LURAP1L: variants seen among roughly 807,000 people sequenced by gnomAD.
The protein encoded by LURAP1L is leucine rich adaptor protein 1-like.
In LURAP1L, 12 loss-of-function variants were observed where a neutral mutation model predicts 13.8. The ratio of observed to expected loss-of-function variants is 0.87; its 90% confidence interval spans 0.56 to 1.41. The LOEUF (loss-of-function observed/expected upper bound fraction) is 1.41. LURAP1L is among the 40% of genes most tolerant of loss of function. The probability of loss-of-function intolerance (pLI) is 0.00; values close to 1 mark genes in which losing one functional copy is unlikely to be tolerated. For missense variants in LURAP1L, 375 were observed against 292.9 expected (o/e 1.28, Z -2.04); for synonymous variants, 139 against 119.2 (o/e 1.17, Z -1.08).
At chr9:12,806,419 T>C (rs1819657129) in intron 1 of LURAP1L, among the ~76,000 whole-genome samples, 1 of 152,102 alleles carries the variant, frequency 6.6e-6, no homozygotes, top group African/African-American at 2.4e-5. Context: ...GCAATTTGCA[T>C]TTCTTCAAGA....
chr9:12,790,419 G>T (rs1819424432), intron 1 of LURAP1L, among the ~76,000 whole-genome samples: 2 of 151,766 alleles, frequency 1.3e-5, no homozygotes, highest in Non-Finnish European at 2.9e-5. Flanking sequence ...TTTGTGTTTG[G>T]ACTACACTAG....
chr9:12,812,368 G>T (rs1452582742), intron 1 of LURAP1L, among the ~76,000 whole-genome samples: 3 of 152,156 alleles, frequency 2.0e-5, no homozygotes, highest in South Asian at 2.1e-4. Context: ...TACATTCAAG[G>T]TTGAAGATCT....
At chr9:12,790,924 G>T (rs1819432450) in intron 1 of LURAP1L, among the ~76,000 whole-genome samples, 2 of 152,116 alleles carry the variant, frequency 1.3e-5, no homozygotes, top group Non-Finnish European at 2.9e-5. Context: ...GGTAAAGTCT[G>T]TGTGGTTTTA....
At chr9:12,818,447 A>G (rs1273374482) in intron 1 of LURAP1L, among the ~76,000 whole-genome samples, 2 of 152,204 alleles carry the variant, frequency 1.3e-5, no homozygotes, top group African/African-American at 2.4e-5. Flanking sequence ...AAAATCAAGC[A>G]ATGCTTAGTA....
intron 1 of LURAP1L, among the ~76,000 whole-genome samples, chr9:12,795,699 T>C (rs1041177): frequency 0.11 from 17,128 of 152,106 alleles, 1,241 homozygotes; most frequent in East Asian, 0.24. Flanking sequence ...GTAGTTGTTA[T>C]GTTAGGGAAG....
chr9:12,781,956 T>G (rs1483988773), intron 1 of LURAP1L, among the ~76,000 whole-genome samples: 1 of 152,236 alleles, frequency 6.6e-6, no homozygotes, highest in African/African-American at 2.4e-5. Context: ...CCATTATAAC[T>G]GGGGTGAGAT....
chr9:12,810,245 G>A (rs1254894032), intron 1 of LURAP1L, among the ~76,000 whole-genome samples: 1 of 152,088 alleles, frequency 6.6e-6, no homozygotes, highest in East Asian at 1.9e-4. Context: ...GGTCCCTTTG[G>A]ATTTTTTAAC....
chr9:12,815,409 C>G (rs934156524), intron 1 of LURAP1L, among the ~76,000 whole-genome samples: 2 of 152,194 alleles, frequency 1.3e-5, no homozygotes, highest in African/African-American at 4.8e-5. Context: ...ACTAAACTCT[C>G]TTCCACCAAC....
At chr9:12,776,807 G>A (rs1426220178) in intron 1 of LURAP1L, among the ~76,000 whole-genome samples, 1 of 152,050 alleles carries the variant, frequency 6.6e-6, no homozygotes, top group Non-Finnish European at 1.5e-5. Context: ...AGGACAATGA[G>A]ATAAGTACAA....
intron 1 of LURAP1L, among the ~76,000 whole-genome samples, chr9:12,810,262 G>C (rs1819718487): frequency 6.6e-6 from 1 of 152,130 alleles, no homozygotes; most frequent in Non-Finnish European, 1.5e-5. Context: ...TAACTCACAA[G>C]CTAGTCCACA....
chr9:12,788,163 G>GAAAGAAAGAAAGAAAA (rs1819386301), intron 1 of LURAP1L, among the ~76,000 whole-genome samples: 1 of 144,202 alleles, frequency 6.9e-6, no homozygotes, highest in Middle Eastern at 3.2e-3. Context: ...AAGAAAGAAA[G>GAAAGAAAGAAAGAAAA]AAAGAAAGAA....
intron 1 of LURAP1L, among the ~76,000 whole-genome samples, chr9:12,808,257 T>A (rs1454378892): frequency 1.3e-5 from 2 of 152,184 alleles, no homozygotes; most frequent in African/African-American, 4.8e-5. Flanking sequence ...AAGGCAAGTC[T>A]ACTGGTGACA....
At chr9:12,777,172 C>G in intron 1 of LURAP1L, 1 of 864,108 alleles carries the variant, frequency 1.2e-6, no homozygotes, top group Non-Finnish European at 1.4e-6. Flanking sequence ...TTATAGAGTT[C>G]TATCATTTAG....
chr9:12,821,910 C>T lies in LURAP1L; in HGVS notation c.*150C>T, dbSNP rs1819887118. The T allele has an allele frequency of 3.7e-6, 3 of 817,374 alleles. No homozygotes were observed. Among genetic ancestry groups the T allele is most frequent in the Non-Finnish European group, 5.7e-6 (3 of 525,144 alleles). The allele number at this position is 817,374 out of a possible 1,614,324, so 50.6% of individuals were successfully genotyped here. ...ACTGCTTAATGGTATTGCTGTTGCT[C>T]CTAATACTTCTCATCTGAGCTGATT... is the stretch of plus-strand genomic sequence containing the variant. On this transcript the variant is annotated 3_prime_UTR_variant, in exon 2 of 2. Transcript: ENST00000319264.
Position 12,775,801 on chromosome 9 carries a change from G to T in LURAP1L, c.86G>T (p.Arg29Leu), listed in dbSNP as rs997924253. ...KVPESLVRSL[R>L]GEEPVPRERD... ...CCCGAGAGTCTAGTGCGCTCTCTCC[G>T]TGGGGAGGAGCCGGTTCCCAGGGAA... Residue 29 changes from arginine to leucine, a missense_variant, in exon 1 of 2, where the codon CGT (arginine) becomes CTT (leucine). Physicochemically the swap from Arg to Leu is moderately radical, Grantham distance 102 (BLOSUM62 -2). Transcript: ENST00000319264. The T allele has an allele frequency of 3.7e-6, 6 of 1,609,284 alleles. No individual in the cohort carries two copies. Among genetic ancestry groups the T allele is most frequent in the Non-Finnish European group, 5.1e-6 (6 of 1,178,540 alleles).
intron 1 of LURAP1L, among the ~76,000 whole-genome samples, chr9:12,801,839 A>G (rs1819589998): frequency 1.3e-5 from 2 of 152,340 alleles, no homozygotes; most frequent in African/African-American, 4.8e-5. Context: ...TATAGGGAGG[A>G]AATAGGAGAT....
intron 1 of LURAP1L, among the ~76,000 whole-genome samples, chr9:12,799,718 A>C (rs955893602): frequency 1.3e-5 from 2 of 152,016 alleles, no homozygotes; most frequent in Non-Finnish European, 2.9e-5. Context: ...ATCTCTACTA[A>C]AAATACAAAA....
At chr9:12,777,217 G>C (rs41305335) in intron 1 of LURAP1L, 33,783 of 984,560 alleles carry the variant, frequency 0.034, 1,078 homozygotes, top group African/African-American at 0.16. Flanking sequence ...AAAAATTTAA[G>C]GACAACCCTT....
At chr9:12,786,374 A>G (rs1211204595) in intron 1 of LURAP1L, among the ~76,000 whole-genome samples, 1 of 151,466 alleles carries the variant, frequency 6.6e-6, no homozygotes. Context: ...GTTTACAGAG[A>G]TCTGACTTAA....
Sources: allele counts gnomAD v4.1 joint callset (sites outside exome capture counted in the v4.1 genomes callset), GRCh38; gene constraint gnomAD v4.1.1; transcripts MANE v1.5; gene names NCBI Gene and HGNC (gene_info 2026-07-23, HGNC 2026-07-21).